WDFY2: variants seen among roughly 807,000 people sequenced by gnomAD.
WDFY2 encodes WD repeat and FYVE domain containing 2, also known as WD repeat and FYVE domain-containing protein 2.
Under a neutral mutation model 56.4 loss-of-function variants are expected in WDFY2, and 36 were observed. The observed-to-expected ratio is 0.64, with a 90% CI of 0.49 to 0.84. The LOEUF (loss-of-function observed/expected upper bound fraction) is 0.84. Among genes scored for constraint, WDFY2 ranks in the 40% least tolerant of loss-of-function variants. The probability of loss-of-function intolerance (pLI) is 0.00; values close to 1 mark genes in which losing one functional copy is unlikely to be tolerated. For synonymous variants in WDFY2, 176 were observed against 183.7 expected (o/e 0.96, Z 0.34); for missense variants, 444 against 512.2 (o/e 0.87, Z 1.29).
At chr13:51,586,446 G>A (rs1953937492) in intron 1 of WDFY2, 1 of 159,240 alleles carries the variant, frequency 6.3e-6, no homozygotes, top group African/African-American at 2.4e-5. Flanking sequence ...AAGTACGGTA[G>A]TGAGAAGGGG....
intron 3 of WDFY2, among the ~76,000 whole-genome samples, chr13:51,697,197 A>G (rs1463110161): frequency 6.6e-6 from 1 of 152,212 alleles, no homozygotes; most frequent in Admixed American, 6.5e-5. Context: ...TATTGGTAAT[A>G]TTCAGAGCTT....
At chr13:51,689,882 A>G (rs1461391402) in intron 3 of WDFY2, among the ~76,000 whole-genome samples, 1 of 152,204 alleles carries the variant, frequency 6.6e-6, no homozygotes, top group African/African-American at 2.4e-5. Flanking sequence ...TCAAACTGTG[A>G]TCTGTGAGAT....
intron 8 of WDFY2, among the ~76,000 whole-genome samples, chr13:51,754,179 C>G (rs978841701): frequency 6.6e-6 from 1 of 151,780 alleles, no homozygotes; most frequent in Non-Finnish European, 1.5e-5. Flanking sequence ...CTTTTGAGCT[C>G]TCCCATCCTG....
chr13:51,627,624 T>C (rs2138371638), intron 1 of WDFY2, among the ~76,000 whole-genome samples: 1 of 152,196 alleles, frequency 6.6e-6, no homozygotes, highest in Non-Finnish European at 1.5e-5. Flanking sequence ...CGTCAGGTGG[T>C]CCGCCCGCTT....
chr13:51,762,053 T>C lies in WDFY2; in HGVS notation c.*2284T>C, dbSNP rs1480953282. 6.6e-6 allele frequency: 1 copy of C among 152,226 alleles called. No homozygotes were observed. Among genetic ancestry groups the C allele is most frequent in the Non-Finnish European group, 1.5e-5 (1 of 68,036 alleles). The allele number at this position is 152,226 out of a possible 1,614,324, so 9.4% of individuals were successfully genotyped here. On this transcript the variant is annotated 3_prime_UTR_variant, in exon 12 of 12. Transcript: ENST00000298125. ...TTCAAATATCTATTTTGTAGTTTAT[T>C]ACTAGAAGCTGCAGCCACTTACTAA...
chr13:51,741,827 T>C (rs1020696817), intron 7 of WDFY2, among the ~76,000 whole-genome samples: 3 of 152,326 alleles, frequency 2.0e-5, no homozygotes, highest in African/African-American at 7.2e-5. Flanking sequence ...TGAACCTTAA[T>C]TGAGTCCAGC....
intron 1 of WDFY2, among the ~76,000 whole-genome samples, chr13:51,654,446 C>G (rs2138438703): frequency 6.6e-6 from 1 of 152,306 alleles, no homozygotes; most frequent in East Asian, 1.9e-4. Flanking sequence ...GTGAGATGAA[C>G]CTGGTACCTC....
chr13:51,643,588 C>G (rs1357538534), intron 1 of WDFY2, among the ~76,000 whole-genome samples: 1 of 152,106 alleles, frequency 6.6e-6, no homozygotes, highest in Admixed American at 6.5e-5. Flanking sequence ...GCTTAGGCTG[C>G]CAGTTCAAGG....
chr13:51,684,461 C>T (rs951963558), intron 3 of WDFY2, among the ~76,000 whole-genome samples: 7 of 151,616 alleles, frequency 4.6e-5, no homozygotes, highest in Admixed American at 3.3e-4. Flanking sequence ...AGATGTGAGG[C>T]TCCCGAAGGT....
intron 5 of WDFY2, 149 bp downstream of exon 5, chr13:51,719,497 C>T: frequency 2.1e-6 from 2 of 937,614 alleles, no homozygotes; most frequent in South Asian, 1.8e-5. Context: ...TCCTGAGGCA[C>T]AAATCATTGA....
At chr13:51,626,966 G>A (rs1177808337) in intron 1 of WDFY2, among the ~76,000 whole-genome samples, 1 of 152,232 alleles carries the variant, frequency 6.6e-6, no homozygotes, top group African/African-American at 2.4e-5. Flanking sequence ...GGCAATGGGG[G>A]TGTGAGCCAG....
intron 6 of WDFY2, among the ~76,000 whole-genome samples, chr13:51,736,036 A>G (rs1490556044): frequency 6.6e-6 from 1 of 152,018 alleles, no homozygotes; most frequent in Non-Finnish European, 1.5e-5. Context: ...TGTTTTTAAG[A>G]CCTTAATTGA....
intron 4 of WDFY2, among the ~76,000 whole-genome samples, chr13:51,716,692 CAAAAA>C (rs34618973): frequency 1.8e-5 from 1 of 55,142 alleles, no homozygotes; most frequent in Non-Finnish European, 3.5e-5. Flanking sequence ...GACTCCGTCT[CAAAAA>C]AAAAAAAAAA....
At chr13:51,724,097 G>A (rs1420109257) in intron 5 of WDFY2, among the ~76,000 whole-genome samples, 1 of 151,470 alleles carries the variant, frequency 6.6e-6, no homozygotes, top group Non-Finnish European at 1.5e-5. Context: ...TGAAATCTTA[G>A]GTTGGTTGGT....
chr13:51,640,954 C>T (rs192252422), intron 1 of WDFY2, among the ~76,000 whole-genome samples: 29 of 152,268 alleles, frequency 1.9e-4, no homozygotes, highest in African/African-American at 5.8e-4. Context: ...ATAGAGACAG[C>T]GCAGGCAGAA....
intron 3 of WDFY2, among the ~76,000 whole-genome samples, chr13:51,691,182 C>T: frequency 6.6e-6 from 1 of 152,150 alleles, no homozygotes; most frequent in Non-Finnish European, 1.5e-5. Context: ...TTTTGCTGTG[C>T]AGAAGCTCTT....
intron 8 of WDFY2, among the ~76,000 whole-genome samples, chr13:51,752,340 G>A (rs1437681647): frequency 6.6e-6 from 1 of 152,174 alleles, no homozygotes; most frequent in Non-Finnish European, 1.5e-5. Flanking sequence ...TAGAAGGTGG[G>A]AAATGGTAGA....
At chr13:51,625,818 C>G (rs557440544) in intron 1 of WDFY2, among the ~76,000 whole-genome samples, 1 of 152,178 alleles carries the variant, frequency 6.6e-6, no homozygotes, top group Admixed American at 6.5e-5. Flanking sequence ...GCCAGGACTT[C>G]GAAAAGGAAG....
At chr13:51,741,027 T>C (rs117727433) in intron 7 of WDFY2, among the ~76,000 whole-genome samples, 144 of 152,336 alleles carry the variant, frequency 9.5e-4, no homozygotes, top group Non-Finnish European at 1.6e-3. Context: ...CTGGGAAACT[T>C]ACGCCTACAG....
Sources: gnomAD v4.1 joint callset for allele counts (sites outside exome capture counted in the v4.1 genomes callset) on GRCh38, gnomAD v4.1.1 for gene constraint, MANE v1.5 for transcripts, NCBI Gene and HGNC (gene_info 2026-07-23, HGNC 2026-07-21) for gene names.